Variants in ATP2B2 observed in about 807,000 individuals in gnomAD.
ATP2B2 encodes the protein plasma membrane calcium-transporting ATPase 2.
In ATP2B2, 15 loss-of-function variants were observed where a neutral mutation model predicts 120.0. The observed-to-expected ratio is 0.12, with a 90% CI of 0.08 to 0.19. ATP2B2 has a LOEUF of 0.19. ATP2B2 is among the 10% of genes least tolerant of loss of function. The probability of loss-of-function intolerance (pLI) is 1.00; values close to 1 mark genes in which losing one functional copy is unlikely to be tolerated. For missense variants in ATP2B2, 1,045 were observed against 1,719.8 expected, an observed-to-expected ratio of 0.61 and a Z score of 6.94; for synonymous variants, 694 against 700.3, an observed-to-expected ratio of 0.99 and a Z score of 0.14.
At chr3:10,332,284 C>T (rs1014296872) in intron 22 of ATP2B2, 1 of 507,334 alleles carries the variant, frequency 2.0e-6, no homozygotes, top group Non-Finnish European at 3.6e-6. Context: ...CCTTATCTGT[C>T]TAGCAAGGTA....
At chr3:10,452,541 G>A (rs1355418281) in intron 1 of ATP2B2, among the ~76,000 whole-genome samples, 1 of 152,188 alleles carries the variant, frequency 6.6e-6, no homozygotes, top group Non-Finnish European at 1.5e-5. Flanking sequence ...AGGAAGCTGG[G>A]TAGAGAAAAT....
chr3:10,566,027 C>G (rs1399489504), intron 2 of ATP2B2, among the ~76,000 whole-genome samples: 1 of 152,184 alleles, frequency 6.6e-6, no homozygotes, highest in East Asian at 1.9e-4. Context: ...CCTACTATGT[C>G]TATTCATCCA....
chr3:10,657,542 G>A (rs1028048558), intron 1 of ATP2B2, among the ~76,000 whole-genome samples: 12 of 152,270 alleles, frequency 7.9e-5, no homozygotes, highest in Non-Finnish European at 1.6e-4. Context: ...CGGCAGCGAG[G>A]CTTGGGGAGG....
chr3:10,631,477 AAGGCCTC>A (rs2069864134), intron 1 of ATP2B2, among the ~76,000 whole-genome samples: 1 of 152,236 alleles, frequency 6.6e-6, no homozygotes, highest in African/African-American at 2.4e-5. Context: ...GTGGCAGAGC[AAGGCCTC>A]CAATTGAGCT....
intron 2 of ATP2B2, among the ~76,000 whole-genome samples, chr3:10,574,007 G>A (rs190627808): frequency 1.2e-3 from 186 of 152,100 alleles, no homozygotes; most frequent in African/African-American, 4.2e-3. Context: ...CTATTGACAC[G>A]TTCAATTCTG....
At chr3:10,677,468 T>C (rs1370432277) in intron 1 of ATP2B2, among the ~76,000 whole-genome samples, 1 of 152,188 alleles carries the variant, frequency 6.6e-6, no homozygotes, top group African/African-American at 2.4e-5. Context: ...TGTATGATAC[T>C]ATAATAGTGA....
intron 1 of ATP2B2, 80 bp from the exon 2 acceptor site, chr3:10,449,942 C>A: frequency 2.9e-5 from 10 of 349,044 alleles, no homozygotes; most frequent in South Asian, 2.4e-4. Context: ...AGGCCCCAGG[C>A]ACACGCACAG....
intron 2 of ATP2B2, among the ~76,000 whole-genome samples, chr3:10,567,107 C>T (rs2068026455): frequency 6.6e-6 from 1 of 152,196 alleles, no homozygotes; most frequent in South Asian, 2.1e-4. Context: ...TCTAGACCAG[C>T]CCCTCCTTCT....
chr3:10,704,460 T>C (rs1404787155), intron 1 of ATP2B2, among the ~76,000 whole-genome samples: 1 of 152,172 alleles, frequency 6.6e-6, no homozygotes, highest in Non-Finnish European at 1.5e-5. Context: ...AATAAAAACG[T>C]GTAGCCCCCT....
At chr3:10,647,249 A>G (rs1261352139) in intron 1 of ATP2B2, among the ~76,000 whole-genome samples, 1 of 152,172 alleles carries the variant, frequency 6.6e-6, no homozygotes, top group Non-Finnish European at 1.5e-5. Flanking sequence ...ACAATAAGGA[A>G]GGAGAGGAGA....
chr3:10,380,348 C>G (rs1328896671), intron 8 of ATP2B2, among the ~76,000 whole-genome samples: 1 of 152,222 alleles, frequency 6.6e-6, no homozygotes, highest in Non-Finnish European at 1.5e-5. Context: ...ACAGGCCTCG[C>G]CCCCTTGGGA....
chr3:10,617,397 C>A (rs1167621530), intron 2 of ATP2B2, among the ~76,000 whole-genome samples: 1 of 152,156 alleles, frequency 6.6e-6, no homozygotes, highest in African/African-American at 2.4e-5. Context: ...AATCTACCCG[C>A]CTATAGTCAA....
At chr3:10,395,558 C>T (rs2062008399) in intron 5 of ATP2B2, among the ~76,000 whole-genome samples, 1 of 152,226 alleles carries the variant, frequency 6.6e-6, no homozygotes, top group African/African-American at 2.4e-5. Context: ...AGGTTAGCAA[C>T]AGCCGAATCA....
In ATP2B2 at chr3:10,386,613, A is replaced by G. The variant is rs1166259114; in HGVS notation, c.908-101T>C. ...CACAAACACACATGTGCATACACAC[A>G]TGGCCATACACCTAGGGTCATCCTG... On this transcript the variant is annotated intron_variant, in intron 6 of 22. Transcript: ENST00000360273. The G allele has an allele frequency of 3.7e-5, 47 of 1,284,640 alleles. No homozygotes were observed. The Admixed American group carries it at 7.0e-4, about 19-fold the overall frequency. 79.6% of individuals were successfully genotyped at this position (1,284,640 alleles called of 1,614,324 possible). A position where few individuals can be genotyped will look rare whatever the true frequency, so the allele number is the denominator to read the frequency against.
chr3:10,366,382 C>G (rs986123478), intron 12 of ATP2B2, among the ~76,000 whole-genome samples: 3 of 152,168 alleles, frequency 2.0e-5, no homozygotes, highest in African/African-American at 7.2e-5. Context: ...TACTGGGGAC[C>G]TGGGGCTTCA....
chr3:10,380,833 G>C (rs527757089), intron 8 of ATP2B2, among the ~76,000 whole-genome samples: 3 of 152,220 alleles, frequency 2.0e-5, no homozygotes, highest in Non-Finnish European at 4.4e-5. Flanking sequence ...TCACCTCCCA[G>C]AGTGTCCCAG....
chr3:10,658,783 A>T (rs1460594847), intron 1 of ATP2B2, among the ~76,000 whole-genome samples: 1 of 152,046 alleles, frequency 6.6e-6, no homozygotes, highest in African/African-American at 2.4e-5. Context: ...ACTCCAAGAC[A>T]CATAATTGTC....
intron 1 of ATP2B2, among the ~76,000 whole-genome samples, chr3:10,703,322 G>A (rs1330805236): frequency 6.6e-6 from 1 of 152,338 alleles, no homozygotes; most frequent in Non-Finnish European, 1.5e-5. Flanking sequence ...CTGTACCTGA[G>A]TGAAGCCTAC....
chr3:10,361,623 G>A (rs535018045), intron 12 of ATP2B2, among the ~76,000 whole-genome samples: 2 of 152,300 alleles, frequency 1.3e-5, no homozygotes, highest in African/African-American at 4.8e-5. Flanking sequence ...ATGGCTGCCC[G>A]AACACGGGCT....
Sources: allele counts gnomAD v4.1 joint callset (sites outside exome capture counted in the v4.1 genomes callset), GRCh38; gene constraint gnomAD v4.1.1; transcripts MANE v1.5; gene names NCBI Gene and HGNC (gene_info 2026-07-23, HGNC 2026-07-21).